Variants in PDZRN4 observed in about 807,000 individuals in gnomAD.
PDZRN4 encodes the protein PDZ domain containing ring finger 4.
PDZRN4 carries 70 observed loss-of-function variants against 99.0 expected under a neutral mutation model. That is an observed-to-expected ratio of 0.71 (90% CI 0.58 to 0.86). The LOEUF (loss-of-function observed/expected upper bound fraction) is 0.86, where lower values mean the gene tolerates loss of function less well. Among genes scored for constraint, PDZRN4 ranks in the 40% least tolerant of loss-of-function variants. The pLI is 0.00. For synonymous variants in PDZRN4, 551 were observed against 501.6 expected (o/e 1.10, Z -1.32); for missense variants, 1,474 against 1,331.2 (o/e 1.11, Z -1.67).
At chr12:41,564,818 A>G (rs1373740734) in intron 8 of PDZRN4, among the ~76,000 whole-genome samples, 2 of 152,266 alleles carry the variant, frequency 1.3e-5, no homozygotes, top group South Asian at 2.1e-4. Flanking sequence ...TTCTCAACCC[A>G]GTTATCTCGC....
chr12:41,457,948 A>G (rs1952830504), intron 3 of PDZRN4, among the ~76,000 whole-genome samples: 1 of 152,186 alleles, frequency 6.6e-6, no homozygotes, highest in South Asian at 2.1e-4. Context: ...AAATCATTAT[A>G]TAGTGAGACA....
intron 7 of PDZRN4, among the ~76,000 whole-genome samples, chr12:41,559,190 C>T (rs1939222537): frequency 6.7e-6 from 1 of 149,276 alleles, no homozygotes; most frequent in South Asian, 2.1e-4. Context: ...TACATACACA[C>T]ACACACACAC....
At chr12:41,414,021 C>T (rs2120386183) in intron 3 of PDZRN4, among the ~76,000 whole-genome samples, 1 of 152,218 alleles carries the variant, frequency 6.6e-6, no homozygotes, top group African/African-American at 2.4e-5. Flanking sequence ...GTAATAATTT[C>T]CCTTAATGAT....
At chr12:41,202,472 A>G (rs767562599) in intron 3 of PDZRN4, among the ~76,000 whole-genome samples, 9 of 152,104 alleles carry the variant, frequency 5.9e-5, no homozygotes, top group Non-Finnish European at 8.8e-5. Flanking sequence ...AAAGGAGAGA[A>G]AGGTGACTGA....
intron 3 of PDZRN4, among the ~76,000 whole-genome samples, chr12:41,463,160 C>A (rs1338981161): frequency 6.6e-6 from 1 of 152,184 alleles, no homozygotes; most frequent in Admixed American, 6.5e-5. Flanking sequence ...TGTGATCAAA[C>A]CCACCTTTCT....
At chr12:41,251,799 C>T (rs1412184659) in intron 3 of PDZRN4, among the ~76,000 whole-genome samples, 4 of 152,072 alleles carry the variant, frequency 2.6e-5, no homozygotes, top group Non-Finnish European at 2.9e-5. Context: ...ATTTACACAA[C>T]AAACCAATTT....
intron 5 of PDZRN4, among the ~76,000 whole-genome samples, chr12:41,527,208 G>A (rs759740449): frequency 6.6e-6 from 1 of 152,206 alleles, no homozygotes; most frequent in Non-Finnish European, 1.5e-5. Context: ...ATGGAAAGGT[G>A]AAGGCACTGA....
At chr12:41,331,343 A>G (rs751893058) in intron 3 of PDZRN4, among the ~76,000 whole-genome samples, 4 of 152,138 alleles carry the variant, frequency 2.6e-5, no homozygotes, top group Non-Finnish European at 4.4e-5. Context: ...GTGCTTATAT[A>G]CAAATATGTC....
intron 3 of PDZRN4, among the ~76,000 whole-genome samples, chr12:41,231,240 C>A (rs896571183): frequency 2.0e-5 from 3 of 151,980 alleles, no homozygotes; most frequent in African/African-American, 7.2e-5. Context: ...GTTGCCATTC[C>A]GGGTTTTATA....
intron 3 of PDZRN4, among the ~76,000 whole-genome samples, chr12:41,247,769 A>C (rs1224432982): frequency 6.6e-6 from 1 of 152,232 alleles, no homozygotes; most frequent in African/African-American, 2.4e-5. Flanking sequence ...AAGACTTTAA[A>C]AAAGAAAAAT....
At chr12:41,449,777 C>T (rs1952760094) in intron 3 of PDZRN4, among the ~76,000 whole-genome samples, 1 of 152,170 alleles carries the variant, frequency 6.6e-6, no homozygotes, top group South Asian at 2.1e-4. Flanking sequence ...TGATGCATCT[C>T]CTTTTGCTGC....
chr12:41,485,186 T>C (rs1295594030), intron 3 of PDZRN4, among the ~76,000 whole-genome samples: 1 of 152,130 alleles, frequency 6.6e-6, no homozygotes, highest in Admixed American at 6.6e-5. Context: ...TGTTTTCTAA[T>C]TGAGGGATAA....
At chr12:41,273,098 G>A (rs924323550) in intron 3 of PDZRN4, among the ~76,000 whole-genome samples, 5 of 151,992 alleles carry the variant, frequency 3.3e-5, no homozygotes, top group Non-Finnish European at 7.4e-5. Flanking sequence ...AAGCAATCAT[G>A]GGTATGGAAA....
At chr12:41,201,601 A>T (rs1172518631) in intron 3 of PDZRN4, among the ~76,000 whole-genome samples, 1 of 152,122 alleles carries the variant, frequency 6.6e-6, no homozygotes, top group Non-Finnish European at 1.5e-5. Flanking sequence ...AAATGAATGG[A>T]TGAATCTCAA....
At chr12:41,245,073 A>G (rs572756999) in intron 3 of PDZRN4, among the ~76,000 whole-genome samples, 43 of 152,282 alleles carry the variant, frequency 2.8e-4, no homozygotes, top group Non-Finnish European at 3.4e-4. Context: ...ATTATCCCAT[A>G]TAAGATAGCA....
rs1180218655 is a variant in PDZRN4, at chr12:41,238,432, A to C, written c.843+44244A>C. ...AAAAGAATCTATCATTAGAGTGAAC[A>C]GAAAACCTACAGAATGGGAGAAAAT... is the stretch of plus-strand genomic sequence containing the variant. On this transcript the variant is annotated intron_variant, in intron 3 of 9. Coordinates refer to ENST00000402685, the MANE Select transcript of PDZRN4 (RefSeq NM_001164595.2). 3.9e-5 allele frequency among the ~76,000 whole-genome samples: 6 copies of C among 152,224 alleles called. No individual in the cohort carries two copies. The East Asian group carries it at 1.2e-3, about 29-fold the overall frequency.
At chr12:41,356,326 T>C (rs1333093258) in intron 3 of PDZRN4, among the ~76,000 whole-genome samples, 1 of 152,036 alleles carries the variant, frequency 6.6e-6, no homozygotes, top group Non-Finnish European at 1.5e-5. Context: ...GTTAAATGAT[T>C]GTTTCCTCTT....
intron 3 of PDZRN4, among the ~76,000 whole-genome samples, chr12:41,264,823 G>A (rs974403581): frequency 6.6e-6 from 1 of 152,078 alleles, no homozygotes; most frequent in Non-Finnish European, 1.5e-5. Context: ...TGCAGCTGGA[G>A]CCATTATCTT....
chr12:41,224,153 G>C (rs1295525735), intron 3 of PDZRN4, among the ~76,000 whole-genome samples: 1 of 152,192 alleles, frequency 6.6e-6, no homozygotes, highest in Non-Finnish European at 1.5e-5. Flanking sequence ...CCTGGAGCTG[G>C]GCTGTCCAGA....
Sources: gnomAD v4.1 joint callset for allele counts (sites outside exome capture counted in the v4.1 genomes callset) on GRCh38, gnomAD v4.1.1 for gene constraint, MANE v1.5 for transcripts, NCBI Gene and HGNC (gene_info 2026-07-23, HGNC 2026-07-21) for gene names.